The following SGIP1 variants were observed in gnomAD, a reference collection of about 807,000 sequenced individuals.
SGIP1 encodes the protein SH3-containing GRB2-like protein 3-interacting protein 1.
A neutral mutation model predicts 107.5 loss-of-function variants in SGIP1; 38 were observed. The observed-to-expected ratio is 0.35, with a 90% CI of 0.27 to 0.46. The LOEUF is 0.46. SGIP1 is among the 20% of genes least tolerant of loss of function. The probability of loss-of-function intolerance (pLI) is 1.00; values close to 1 mark genes in which losing one functional copy is unlikely to be tolerated. For missense variants in SGIP1, 929 were observed against 1,019.5 expected (o/e 0.91, Z 1.21); for synonymous variants, 365 against 366.1 (o/e 1.00, Z 0.03).
chr1:66,569,893 T>C (rs2148582596), intron 1 of SGIP1, among the ~76,000 whole-genome samples: 1 of 152,002 alleles, frequency 6.6e-6, no homozygotes, highest in Admixed American at 6.6e-5. Flanking sequence ...TTGATTCAAT[T>C]TCTATAATAG....
At chr1:66,660,639 T>C (rs2081285708) in intron 8 of SGIP1, 115 bp downstream of exon 8, 1 of 1,014,862 alleles carries the variant, frequency 9.9e-7, no homozygotes, top group African/African-American at 1.6e-5. Context: ...TTTTGAACTT[T>C]AAAAACAAAT....
At position 66,660,540 on chromosome 1, in the gene SGIP1, T is replaced by A; in HGVS notation, c.471+16T>A. 6.2e-7 allele frequency: 1 copy of A among 1,606,546 alleles called. No homozygotes were observed. Among genetic ancestry groups the A allele is most frequent in the Non-Finnish European group, 8.5e-7 (1 of 1,173,210 alleles). On this transcript the variant is annotated intron_variant, in intron 8 of 24. Transcript: ENST00000371037. ...GAAAAGTCCGGTAAGAAATAAGTCCTTCCCGCTTTTGGGGCAAACATTATT... is the reference window on the plus strand; with the variant it reads ...GAAAAGTCCGGTAAGAAATAAGTCCATCCCGCTTTTGGGGCAAACATTATT...
At position 66,740,661 on chromosome 1, in the gene SGIP1, T is replaced by A. The variant is rs371975465; in HGVS notation, c.2238T>A (p.Asn746Lys). ...LQAVLPPAVWNAEQQRILWKI... is the reference protein window; with the variant it reads ...LQAVLPPAVWKAEQQRILWKI... ...CTTTTACCTAATTTATTTTTAGGAATGCTGAACAACAGAGAATATTGTGGA... is the reference window on the plus strand; with the variant it reads ...CTTTTACCTAATTTATTTTTAGGAAAGCTGAACAACAGAGAATATTGTGGA... The change falls in exon 23 of 25, where the codon AAT becomes AAA. Residue 746 changes from asparagine to lysine, a missense_variant. By Grantham distance (94) the Asn-to-Lys change is moderately conservative. This residue lies in a region of SGIP1 where 341 missense variants were observed against 430.9 expected (regional missense o/e 0.79). Coordinates refer to ENST00000371037, the MANE Select transcript of SGIP1 (RefSeq NM_032291.4). The A allele has an allele frequency of 6.9e-6, 11 of 1,603,120 alleles. No individual in the cohort carries two copies. Among genetic ancestry groups the A allele is most frequent in the Non-Finnish European group, 9.4e-6 (11 of 1,172,826 alleles).
intron 1 of SGIP1, among the ~76,000 whole-genome samples, chr1:66,580,198 G>C (rs1378966662): frequency 6.6e-6 from 1 of 151,960 alleles, no homozygotes; most frequent in African/African-American, 2.4e-5. Flanking sequence ...CTCAGAAAAA[G>C]ACCCAGACTC....
At chr1:66,544,608 G>C (rs1364419251) in intron 1 of SGIP1, among the ~76,000 whole-genome samples, 28 of 152,158 alleles carry the variant, frequency 1.8e-4, no homozygotes, top group Non-Finnish European at 1.5e-5. Flanking sequence ...AGAATCACTT[G>C]AACCTTGGAA....
chr1:66,702,770 T>A lies in SGIP1; in HGVS notation c.1630+7277T>A, dbSNP rs181781541. Among the ~76,000 whole-genome samples the A allele has an allele frequency of 5.3e-5, 8 of 152,338 alleles. No individual in the cohort carries two copies. The East Asian group carries it at 1.2e-3, about 22-fold the overall frequency. ...TCCAAAACACACAGTTGTTTCTGAATATGTCTGTCATACAAAGGCCAATAG... is the reference window on the plus strand; with the variant it reads ...TCCAAAACACACAGTTGTTTCTGAAAATGTCTGTCATACAAAGGCCAATAG... On this transcript the variant is annotated intron_variant, in intron 18 of 24. Transcript: ENST00000371037.
chr1:66,716,464 G>A (rs909362153), intron 18 of SGIP1, among the ~76,000 whole-genome samples: 3 of 151,890 alleles, frequency 2.0e-5, no homozygotes, highest in Non-Finnish European at 4.4e-5. Context: ...TTTTTCCTAA[G>A]AAATCTCCTC....
chr1:66,714,313 A>ACTTGGGT (rs1170748258), intron 18 of SGIP1, among the ~76,000 whole-genome samples: 1 of 152,100 alleles, frequency 6.6e-6, no homozygotes, highest in Non-Finnish European at 1.5e-5. Flanking sequence ...ATGACTCTAG[A>ACTTGGGT]GTCCAGGTTT....
intron 1 of SGIP1, among the ~76,000 whole-genome samples, chr1:66,539,472 G>A (rs1237154658): frequency 6.6e-6 from 1 of 152,152 alleles, no homozygotes; most frequent in Non-Finnish European, 1.5e-5. Context: ...AGAAAGATCT[G>A]ATATTAGAAA....
intron 3 of SGIP1, among the ~76,000 whole-genome samples, chr1:66,633,472 T>C (rs2075201149): frequency 6.6e-6 from 1 of 152,180 alleles, no homozygotes; most frequent in Non-Finnish European, 1.5e-5. Context: ...GAAGCTGAGA[T>C]CCAAGAAAAT....
intron 1 of SGIP1, among the ~76,000 whole-genome samples, chr1:66,547,001 A>C (rs1403476563): frequency 2.0e-5 from 3 of 152,190 alleles, no homozygotes; most frequent in Non-Finnish European, 4.4e-5. Flanking sequence ...GAAGTATTAA[A>C]ATATATGTGA....
chr1:66,601,631 T>G (rs72918430), intron 1 of SGIP1, among the ~76,000 whole-genome samples: 7,661 of 152,134 alleles, frequency 0.05, 589 homozygotes, highest in African/African-American at 0.16. Context: ...AAAAATTTAT[T>G]TACTTAACCC....
At chr1:66,596,334 G>T (rs2064693030) in intron 1 of SGIP1, among the ~76,000 whole-genome samples, 1 of 152,120 alleles carries the variant, frequency 6.6e-6, no homozygotes, top group Admixed American at 6.5e-5. Flanking sequence ...GGTGGGTGGG[G>T]TGGTTCCCCT....
At chr1:66,586,590 T>G (rs1055520453) in intron 1 of SGIP1, among the ~76,000 whole-genome samples, 3 of 152,166 alleles carry the variant, frequency 2.0e-5, no homozygotes, top group African/African-American at 7.2e-5. Flanking sequence ...AACCTTACTT[T>G]CCTTTATGCC....
Position 66,695,255 on chromosome 1 carries a change from T to TAAAAAAAAAAAAAAAAAAA in SGIP1, c.1571-163_1571-162insAAAAAAAAAAAAAAAAAAA, listed in dbSNP as rs570067011. The TAAAAAAAAAAAAAAAAAAA allele has an allele frequency of 3.7e-5, 35 of 949,912 alleles. 2 individuals are homozygous for TAAAAAAAAAAAAAAAAAAA. In the African/African-American group the frequency reaches 6.0e-4, roughly 16 times the overall value. 58.8% of individuals were successfully genotyped at this position (949,912 alleles called of 1,614,324 possible). On this transcript the variant is annotated intron_variant, in intron 17 of 24. Transcript: ENST00000371037. ...TGCTTTTGCTTTCTGTTTCCTGAACTAAAAAAAAAAAAAAAAGTGTAGATT... is the reference window on the plus strand; with the variant it reads ...TGCTTTTGCTTTCTGTTTCCTGAACTAAAAAAAAAAAAAAAAAAAAAAAAAAAAAAAAAAAGTGTAGATT...
chr1:66,706,353 ATATT>A (rs1399917292), intron 18 of SGIP1, among the ~76,000 whole-genome samples: 1 of 145,626 alleles, frequency 6.9e-6, no homozygotes, highest in Non-Finnish European at 1.5e-5. Flanking sequence ...ATATAAATAA[ATATT>A]TATACTATAA....
chr1:66,693,804 G>T (rs1035431105), intron 17 of SGIP1, among the ~76,000 whole-genome samples: 8 of 152,154 alleles, frequency 5.3e-5, no homozygotes, highest in African/African-American at 1.7e-4. Context: ...GACACAGCTG[G>T]ATACCATAGA....
chr1:66,631,681 T>TTCTCTCTCTCTCTCTC (rs71058468), intron 2 of SGIP1, among the ~76,000 whole-genome samples: 41 of 132,244 alleles, frequency 3.1e-4, no homozygotes, highest in African/African-American at 6.0e-4. Context: ...CTCTCTCTCT[T>TTCTCTCTCTCTCTCTC]TCTCTCTCTC....
chr1:66,670,286 T>C (rs970473826), intron 9 of SGIP1, among the ~76,000 whole-genome samples: 1 of 152,262 alleles, frequency 6.6e-6, no homozygotes, highest in African/African-American at 2.4e-5. Flanking sequence ...TAAGGCATTA[T>C]AAAAACTGGA....
Sources: allele counts gnomAD v4.1 joint callset (sites outside exome capture counted in the v4.1 genomes callset), GRCh38; gene constraint gnomAD v4.1.1; regional missense constraint gnomAD v4.1.1; transcripts MANE v1.5; gene names NCBI Gene and HGNC (gene_info 2026-07-23, HGNC 2026-07-21).